The following TTLL11 variants were observed in gnomAD, a reference collection of about 807,000 sequenced individuals.
TTLL11 encodes tubulin polyglutamylase TTLL11.
In TTLL11, 42 loss-of-function variants were observed where a neutral mutation model predicts 51.7. The ratio of observed to expected loss-of-function variants is 0.81; its 90% CI spans 0.64 to 1.05. TTLL11 has a LOEUF of 1.05. Among genes scored for constraint, TTLL11 ranks in the 50% least tolerant of loss-of-function variants. The pLI, the probability that TTLL11 is intolerant of heterozygous loss-of-function variation, is 0.00. For synonymous variants in TTLL11, 381 were observed against 383.5 expected (o/e 0.99, Z 0.08); for missense variants, 799 against 940.4 (o/e 0.85, Z 1.97).
chr9:122,033,175 C>T (rs905168770), intron 2 of TTLL11, among the ~76,000 whole-genome samples: 2 of 151,922 alleles, frequency 1.3e-5, no homozygotes, highest in South Asian at 4.2e-4. Flanking sequence ...TGCAATGGCA[C>T]GATCTTGGCT....
intron 3 of TTLL11, among the ~76,000 whole-genome samples, chr9:122,026,523 T>A (rs1390769550): frequency 1.3e-5 from 2 of 152,016 alleles, no homozygotes. Context: ...ATGTTCATTA[T>A]CTTGATTGTG....
chr9:121,983,743 C>T (rs1221032656), intron 4 of TTLL11, among the ~76,000 whole-genome samples: 1 of 152,112 alleles, frequency 6.6e-6, no homozygotes, highest in Non-Finnish European at 1.5e-5. Context: ...CACATGGACC[C>T]TCTCATAGCA....
At chr9:121,835,020 G>A (rs1837145914) in intron 8 of TTLL11, among the ~76,000 whole-genome samples, 1 of 152,118 alleles carries the variant, frequency 6.6e-6, no homozygotes, top group South Asian at 2.1e-4. Context: ...AGGGGCCTGG[G>A]ATCTCCATGG....
chr9:121,926,189 C>T (rs1404475157), intron 6 of TTLL11, among the ~76,000 whole-genome samples: 2 of 152,160 alleles, frequency 1.3e-5, no homozygotes, highest in Non-Finnish European at 2.9e-5. Flanking sequence ...GCAGTCTCTG[C>T]TTCAGAGGGG....
intron 3 of TTLL11, among the ~76,000 whole-genome samples, chr9:122,003,595 C>T (rs1368600870): frequency 6.7e-6 from 1 of 150,198 alleles, no homozygotes; most frequent in Non-Finnish European, 1.5e-5. Flanking sequence ...AGCGATTCTC[C>T]TTCCTCAGCC....
chr9:121,852,923 C>G (rs1837707836), intron 8 of TTLL11, among the ~76,000 whole-genome samples: 1 of 152,234 alleles, frequency 6.6e-6, no homozygotes, highest in Non-Finnish European at 1.5e-5. Context: ...TGAAACTGGC[C>G]TACTTATCCG....
chr9:121,867,620 A>G (rs532815914), intron 7 of TTLL11, among the ~76,000 whole-genome samples: 20 of 152,144 alleles, frequency 1.3e-4, no homozygotes, highest in Non-Finnish European at 2.4e-4. Flanking sequence ...TATGCATGCC[A>G]TCCATTCTCA....
intron 7 of TTLL11, among the ~76,000 whole-genome samples, chr9:121,868,354 T>C (rs980925851): frequency 2.0e-5 from 3 of 152,278 alleles, no homozygotes; most frequent in East Asian, 1.9e-4. Flanking sequence ...TATAATGGGG[T>C]AGCACTATGC....
chr9:121,954,799 A>C (rs928271972), intron 6 of TTLL11, among the ~76,000 whole-genome samples: 1 of 152,224 alleles, frequency 6.6e-6, no homozygotes, highest in Admixed American at 6.5e-5. Flanking sequence ...AACAACTGGC[A>C]AAATTTGCAA....
intron 3 of TTLL11, among the ~76,000 whole-genome samples, chr9:122,004,814 TCA>T (rs1843591264): frequency 6.6e-6 from 1 of 152,222 alleles, no homozygotes; most frequent in South Asian, 2.1e-4. Flanking sequence ...GCAGTGAGCC[TCA>T]GTGTACCTGC....
At chr9:121,915,013 A>G (rs1341776919) in intron 6 of TTLL11, among the ~76,000 whole-genome samples, 1 of 152,180 alleles carries the variant, frequency 6.6e-6, no homozygotes, top group Non-Finnish European at 1.5e-5. Flanking sequence ...CAGGTCAGGA[A>G]CATATGCCAT....
chr9:121,971,140 C>T (rs866743066), intron 6 of TTLL11, among the ~76,000 whole-genome samples: 16 of 104,448 alleles, frequency 1.5e-4, no homozygotes, highest in African/African-American at 5.2e-4. Flanking sequence ...CCCCGCCCGG[C>T]CAGCCGCCCC....
intron 6 of TTLL11, among the ~76,000 whole-genome samples, chr9:121,933,294 T>TA (rs1377771874): frequency 6.6e-6 from 1 of 151,978 alleles, no homozygotes; most frequent in African/African-American, 2.4e-5. Context: ...GCTGTGACGG[T>TA]AAGAGCGAGG....
At chr9:121,967,963 C>A (rs142151392) in intron 6 of TTLL11, among the ~76,000 whole-genome samples, 1 of 152,212 alleles carries the variant, frequency 6.6e-6, no homozygotes, top group Non-Finnish European at 1.5e-5. Context: ...AGACAGAAAG[C>A]AGACTGTTGG....
At chr9:121,893,114 A>T (rs1016089336) in intron 6 of TTLL11, among the ~76,000 whole-genome samples, 3 of 152,210 alleles carry the variant, frequency 2.0e-5, no homozygotes, top group African/African-American at 7.2e-5. Context: ...CTGATACTTA[A>T]TGCATATTAT....
At chr9:121,835,829 T>C (rs1837165313) in intron 8 of TTLL11, among the ~76,000 whole-genome samples, 1 of 152,192 alleles carries the variant, frequency 6.6e-6, no homozygotes, top group African/African-American at 2.4e-5. Context: ...ACAGTTCTAG[T>C]CACTGCTTCC....
chr9:122,073,526 G>A (rs1489669196), intron 1 of TTLL11, among the ~76,000 whole-genome samples: 1 of 152,216 alleles, frequency 6.6e-6, no homozygotes, highest in Non-Finnish European at 1.5e-5. Flanking sequence ...CAAAGCAGGA[G>A]CATCAACCCA....
chr9:121,889,555 C>T (rs1839140953), intron 6 of TTLL11, among the ~76,000 whole-genome samples: 1 of 152,132 alleles, frequency 6.6e-6, no homozygotes, highest in African/African-American at 2.4e-5. Flanking sequence ...CCCCCAGCAA[C>T]CACCACTCTA....
At chr9:122,092,263 A>C (rs1233907438) in intron 1 of TTLL11, among the ~76,000 whole-genome samples, 1 of 152,168 alleles carries the variant, frequency 6.6e-6, no homozygotes, top group African/African-American at 2.4e-5. Flanking sequence ...CTGCCTCCAA[A>C]ATAAAAAGTG....
Sources: gnomAD v4.1 joint callset for allele counts (sites outside exome capture counted in the v4.1 genomes callset) on GRCh38, gnomAD v4.1.1 for gene constraint, MANE v1.5 for transcripts, NCBI Gene and HGNC (gene_info 2026-07-23, HGNC 2026-07-21) for gene names.